The following HLTF variants were observed in gnomAD, a reference collection of about 807,000 sequenced individuals.
HLTF encodes helicase like transcription factor, also known as DNA-dependent ATPase/E3 ubiquitin-protein ligase HLTF.
In HLTF, 127 loss-of-function variants were observed where a neutral mutation model predicts 129.4. The ratio of observed to expected loss-of-function variants is 0.98; its 90% CI spans 0.85 to 1.14. The LOEUF (loss-of-function observed/expected upper bound fraction) is 1.14, where lower values mean the gene tolerates loss of function less well. HLTF is among the 50% of genes most tolerant of loss of function. The probability of loss-of-function intolerance (pLI) is 0.00; values close to 1 mark genes in which losing one functional copy is unlikely to be tolerated. For synonymous variants in HLTF, 332 were observed against 388.8 expected (o/e 0.85, Z 1.72); for missense variants, 1,139 against 1,187.1 (o/e 0.96, Z 0.60).
intron 14 of HLTF, 34 bp from the exon 15 acceptor site, chr3:149,050,409 G>A (rs370532985): frequency 2.0e-6 from 3 of 1,472,646 alleles, no homozygotes; most frequent in Non-Finnish European, 2.8e-6. Context: ...TTAACAATGA[G>A]CAGATTTGTG....
intron 1 of HLTF, 38 bp downstream of exon 1, chr3:149,086,279 C>T: frequency 6.3e-7 from 1 of 1,595,024 alleles, no homozygotes; most frequent in South Asian, 1.1e-5. Flanking sequence ...GCCTCCAGGC[C>T]GTTAGACCGA....
chr3:149,058,333 C>T (rs549482297), intron 13 of HLTF, among the ~76,000 whole-genome samples: 15 of 152,152 alleles, frequency 9.9e-5, no homozygotes, highest in African/African-American at 3.6e-4. Flanking sequence ...GCTGCAATTT[C>T]AGGCATGTGC....
intron 19 of HLTF, 63 bp from the exon 20 acceptor site, chr3:149,041,731 C>A: frequency 1.7e-6 from 2 of 1,190,090 alleles, no homozygotes; most frequent in South Asian, 1.4e-5. Context: ...GTTAATCTAT[C>A]TTATAAGGAA....
chr3:149,071,897 T>A lies in HLTF; in HGVS notation c.628-240A>T, dbSNP rs542135234. Among the ~76,000 whole-genome samples, 4 of 152,054 alleles carry A rather than the reference T, an allele frequency of 2.6e-5. No homozygotes were observed. The South Asian group carries it at 8.3e-4, about 32-fold the overall frequency. On this transcript the variant is annotated intron_variant, in intron 5 of 24. Transcript: ENST00000310053. ...GATCCCATCTCTACAAAAAAATTTTTAAAAAATTAGCCAGGCATGGGGGTG... is the reference window on the plus strand; with the variant it reads ...GATCCCATCTCTACAAAAAAATTTTAAAAAAATTAGCCAGGCATGGGGGTG...
At position 149,046,182 on chromosome 3, in the gene HLTF, T is replaced by G. The variant is rs369671613; in HGVS notation, c.1970A>C (p.Glu657Ala). 4 of 1,607,498 alleles carry G rather than the reference T, an allele frequency of 2.5e-6. No homozygotes were observed. In the African/African-American group the frequency reaches 5.3e-5, roughly 21 times the overall value. ...TSKIKGKPVL[E>A]LPERKVFIQH... Reference sequence around the variant, plus strand: ...AATAAATACTTTACGTTCTGGTAACTCCAAAACAGGTTTTCCTTTAATTTT... The same window carrying G: ...AATAAATACTTTACGTTCTGGTAACGCCAAAACAGGTTTTCCTTTAATTTT... The change falls in exon 18 of 25, where the codon GAG becomes GCG. Residue 657 changes from glutamate (E) to alanine (A), a missense_variant. Physicochemically the swap from Glu to Ala is moderately radical, Grantham distance 107 (BLOSUM62 -1). Coordinates refer to ENST00000310053, the MANE Select transcript of HLTF (RefSeq NM_003071.4).
At position 149,063,424 on chromosome 3, in the gene HLTF, A is replaced by G. The variant is rs1559872625; in HGVS notation, c.1160+7T>C. ...ACATATGACATAATCAAACCATAAT[A>G]GTTTACCTTTTGGGGCGGGAGCTAG... On this transcript the variant is annotated splice_region_variant and intron_variant, in intron 10 of 24. Coordinates refer to ENST00000310053, the MANE Select transcript of HLTF (RefSeq NM_003071.4). The G allele has an allele frequency of 6.6e-7, 1 of 1,510,628 alleles. No homozygotes were observed. Among genetic ancestry groups the G allele is most frequent in the Admixed American group, 1.7e-5 (1 of 59,892 alleles). 93.6% of individuals were successfully genotyped at this position (1,510,628 alleles called of 1,614,324 possible). A position where few individuals can be genotyped will look rare whatever the true frequency, so the allele number is the denominator to read the frequency against.
chr3:149,055,077 T>C (rs1231448548), intron 14 of HLTF, among the ~76,000 whole-genome samples: 2 of 152,230 alleles, frequency 1.3e-5, no homozygotes, highest in African/African-American at 4.8e-5. Context: ...AATCTTATGT[T>C]AGCAATTGAT....
intron 13 of HLTF, among the ~76,000 whole-genome samples, chr3:149,058,395 G>C (rs1436377347): frequency 6.6e-6 from 1 of 152,044 alleles, no homozygotes; most frequent in Non-Finnish European, 1.5e-5. Context: ...CAATAATTCT[G>C]AATCAGCATA....
chr3:149,038,188 C>T (rs1464269802), intron 23 of HLTF, among the ~76,000 whole-genome samples: 1 of 152,150 alleles, frequency 6.6e-6, no homozygotes, highest in Non-Finnish European at 1.5e-5. Context: ...AATTCTTATG[C>T]ACATTAAAGC....
chr3:149,083,154 T>C (rs1720021604), intron 2 of HLTF, among the ~76,000 whole-genome samples: 1 of 151,828 alleles, frequency 6.6e-6, no homozygotes, highest in African/African-American at 2.4e-5. Flanking sequence ...AGGAGGCTGT[T>C]GCAGGAGAAC....
At chr3:149,035,928 G>A (rs1210039571) in intron 23 of HLTF, among the ~76,000 whole-genome samples, 2 of 151,554 alleles carry the variant, frequency 1.3e-5, no homozygotes, top group African/African-American at 4.9e-5. Flanking sequence ...GAGTTCAGGA[G>A]ATCGAGACCA....
At chr3:149,030,088 G>A (rs1431458334), downstream of HLTF, 1 of 152,140 alleles carries the variant, frequency 6.6e-6, no homozygotes, top group African/African-American at 2.4e-5. Flanking sequence ...GATTTTATTT[G>A]AAGATAAAGT....
intron 13 of HLTF, among the ~76,000 whole-genome samples, chr3:149,057,322 A>C (rs1020252496): frequency 6.6e-6 from 1 of 151,720 alleles, no homozygotes; most frequent in East Asian, 1.9e-4. Flanking sequence ...GCTACTTGGG[A>C]GGCTGAGACA....
chr3:149,068,111 A>G (rs1347427759), intron 8 of HLTF, 129 bp downstream of exon 8: 2 of 553,254 alleles, frequency 3.6e-6, no homozygotes, highest in East Asian at 5.9e-5. Flanking sequence ...AGCAACACAT[A>G]AAAGACAGAG....
chr3:149,057,199 G>A (rs1307931516), intron 13 of HLTF, among the ~76,000 whole-genome samples: 25 of 150,998 alleles, frequency 1.7e-4, no homozygotes, highest in Non-Finnish European at 2.9e-4. Context: ...AGACTGAGGC[G>A]GGTGGATCAT....
chr3:149,056,343 G>A (rs1040134472), intron 13 of HLTF, among the ~76,000 whole-genome samples: 2 of 152,162 alleles, frequency 1.3e-5, no homozygotes, highest in African/African-American at 4.8e-5. Flanking sequence ...ATAATAAAGT[G>A]TTTTTACAAA....
chr3:149,049,110 C>T (rs1716781803), intron 15 of HLTF, 109 bp from the exon 16 acceptor site: 1 of 688,368 alleles, frequency 1.5e-6, no homozygotes. Context: ...TTACTATGTG[C>T]TAGGTACTGC....
In HLTF at chr3:149,048,190, C is replaced by T. The variant is rs777930185; in HGVS notation, c.1757-27G>A. The T allele has an allele frequency of 7.0e-6, 11 of 1,577,772 alleles. No individual in the cohort carries two copies. The African/African-American group carries it at 9.6e-5, about 14-fold the overall frequency. ...TAGAAATAACAGGAAACTGTTATAA[C>T]TCTTTAACCAGAGTATCCAGTAAGA... is the stretch of plus-strand genomic sequence containing the variant. On this transcript the variant is annotated intron_variant, in intron 16 of 24. Coordinates refer to ENST00000310053, the MANE Select transcript of HLTF (RefSeq NM_003071.4).
chr3:149,039,396 T>C (rs768570504), intron 22 of HLTF, among the ~76,000 whole-genome samples, 167 bp from the exon 23 acceptor site: 2 of 152,222 alleles, frequency 1.3e-5, no homozygotes. Flanking sequence ...CATTTTCTGA[T>C]AAATTCAGGA....
Sources: allele counts gnomAD v4.1 joint callset (sites outside exome capture counted in the v4.1 genomes callset), GRCh38; gene constraint gnomAD v4.1.1; transcripts MANE v1.5; gene names NCBI Gene and HGNC (gene_info 2026-07-23, HGNC 2026-07-21).